Variants in PLEKHH3 observed in about 807,000 individuals in gnomAD.
The protein encoded by PLEKHH3 is pleckstrin homology, MyTH4 and FERM domain containing H3, also known as pleckstrin homology domain-containing family H member 3.
In PLEKHH3, 57 loss-of-function variants were observed where a neutral mutation model predicts 77.8. The observed-to-expected ratio is 0.73, with a 90% CI of 0.59 to 0.91. The LOEUF is 0.91. Among genes scored for constraint, PLEKHH3 ranks in the 40% least tolerant of loss-of-function variants. The probability of loss-of-function intolerance (pLI) is 0.00; values close to 1 mark genes in which losing one functional copy is unlikely to be tolerated. For synonymous variants in PLEKHH3, 467 were observed against 504.8 expected, an observed-to-expected ratio of 0.93 and a Z score of 1.00; for missense variants, 1,082 against 1,091.2, an observed-to-expected ratio of 0.99 and a Z score of 0.12.
In PLEKHH3 at chr17:42,670,988, A is replaced by G; in HGVS notation, c.1421+6T>C. 5.0e-6 allele frequency: 8 copies of G among 1,608,970 alleles called. No individual in the cohort carries two copies. The highest frequency in any genetic ancestry group is 6.8e-6 in the Non-Finnish European group (8 of 1,178,686). On this transcript the variant is annotated splice_donor_region_variant and intron_variant, in intron 9 of 12. Transcript: ENST00000591022. The stretch of plus-strand genomic sequence containing the variant: ...ATAGAGAGCAGGGCTGGGGCTGGAC[A>G]TTTACTTCTCAAACCTGGTGAGCAC...
intron 9 of PLEKHH3, 41 bp from the exon 10 acceptor site, chr17:42,670,746 A>T (rs1183053004): frequency 1.9e-6 from 3 of 1,572,806 alleles, no homozygotes; most frequent in Non-Finnish European, 2.6e-6. Context: ...GAGAAGCCGG[A>T]CCCCTACGGC....
rs548635073 is a variant in PLEKHH3, at chr17:42,672,723, G to A, written c.770-331C>T. 2.6e-5 allele frequency among the ~76,000 whole-genome samples: 4 copies of A among 152,160 alleles called. No homozygotes were observed. In the South Asian group the frequency reaches 6.2e-4, roughly 24 times the overall value. ...ACCACCATAGGTCAGAAAACAGGCT[G>A]GACTAGGAGTCAGAAAACCGGGGTT... On this transcript the variant is annotated intron_variant, in intron 6 of 12. Transcript: ENST00000591022.
At chr17:42,674,496 G>A in intron 1 of PLEKHH3, 87 bp from the exon 2 acceptor site, 1 of 1,160,702 alleles carries the variant, frequency 8.6e-7, no homozygotes, top group Non-Finnish European at 1.1e-6. Flanking sequence ...GGGCTGCTCA[G>A]GGGATTGAGG....
Position 42,670,725 on chromosome 17 carries a change from G to C in PLEKHH3, c.1422-20C>G, listed in dbSNP as rs755272028. On this transcript the variant is annotated intron_variant, in intron 9 of 12. Transcript: ENST00000591022. ...GCCAAGCTGCAGAAGAGGAGCGGAC[G>C]AAGCGCTAGGGAGAAGCCGGACCCC... The C allele has an allele frequency of 1.2e-6, 2 of 1,607,046 alleles. No homozygotes were observed. Among genetic ancestry groups the C allele is most frequent in the South Asian group, 2.2e-5 (2 of 90,852 alleles).
intron 6 of PLEKHH3, among the ~76,000 whole-genome samples, 200 bp downstream of exon 6, chr17:42,672,976 G>A (rs1277503401): frequency 6.6e-6 from 1 of 152,152 alleles, no homozygotes; most frequent in Non-Finnish European, 1.5e-5. Flanking sequence ...TAGAGAAGGT[G>A]GCCAAAGGGG....
intron 7 of PLEKHH3, 58 bp downstream of exon 7, chr17:42,672,028 T>A: frequency 7.2e-7 from 1 of 1,379,916 alleles, no homozygotes; most frequent in Non-Finnish European, 9.6e-7. Flanking sequence ...GACCTTTCAT[T>A]CTCTCCCAGC....
In PLEKHH3 at chr17:42,676,303, C is replaced by G; in HGVS notation, c.162+99G>C. 2 of 1,555,190 alleles carry G rather than the reference C, an allele frequency of 1.3e-6. No homozygotes were observed. The highest frequency in any genetic ancestry group is 1.7e-6 in the Non-Finnish European group (2 of 1,151,424). On this transcript the variant is annotated intron_variant, in intron 1 of 12. Coordinates refer to ENST00000591022, the MANE Select transcript of PLEKHH3 (RefSeq NM_024927.5). The surrounding 1 kb of genome is among the most constrained non-coding windows in gnomAD (Gnocchi z 6.6). ...AAAACTCTCCCTCATCCCTAGTTCG[C>G]CAAGCGCGCAGCGTGTGGCTGGAGG...
rs2052830000 is a variant in PLEKHH3 at position 42,676,458 on chromosome 17, C to T, written c.106G>A (p.Asp36Asn). Residue 36 changes from aspartate (D) to asparagine (N), a missense_variant, in exon 1 of 13, where the codon GAC becomes AAC. Around this residue, in one of 3 missense-constraint regions of PLEKHH3, gnomAD observed 344 missense variants for 320.8 expected, o/e 1.07. Coordinates refer to ENST00000591022, the MANE Select transcript of PLEKHH3 (RefSeq NM_024927.5). This position sits in a 1 kb window ranked among gnomAD's most constrained non-coding sequence, Gnocchi z 6.6. ...DGELSGDGDE[D>N]EDEETFELRT... is the part of the protein sequence containing the mutation. The stretch of plus-strand genomic sequence containing the variant: ...AGCTCAAAGGTTTCCTCGTCCTCGT[C>T]CTCGTCCCCGTCCCCGCTAAGCTCG... 1.9e-6 allele frequency: 3 copies of T among 1,613,194 alleles called. No individual in the cohort carries two copies. The highest frequency in any genetic ancestry group is 2.5e-6 in the Non-Finnish European group (3 of 1,179,904).
At position 42,672,227 on chromosome 17, in the gene PLEKHH3, G is replaced by A; in HGVS notation, c.935C>T (p.Thr312Ile). The change falls in exon 7 of 13, where the codon ACC (threonine) becomes ATC (isoleucine). Residue 312 changes from threonine to isoleucine, a missense_variant. Transcript: ENST00000591022. ...CCCGGGGGGACCTGCAGGGCCCGAG[G>A]TCTGCTTAGCCAGCTGCAGGAAGAG... ...DELFLQLAKQ[T>I]SGPAGPPGLP... 2 of 1,551,172 alleles carry A rather than the reference G, an allele frequency of 1.3e-6. No individual in the cohort carries two copies. Among genetic ancestry groups the A allele is most frequent in the Non-Finnish European group, 1.7e-6 (2 of 1,147,090 alleles).
intron 12 of PLEKHH3, chr17:42,669,053 T>A (rs1241742747): frequency 6.4e-6 from 1 of 156,314 alleles, no homozygotes; most frequent in Non-Finnish European, 1.4e-5. Flanking sequence ...CCTCGTGATC[T>A]GCCCGCCTCG....
chr17:42,673,348 C>G (rs1254561435), intron 5 of PLEKHH3, 51 bp downstream of exon 5: 10 of 1,606,942 alleles, frequency 6.2e-6, no homozygotes, highest in South Asian at 2.2e-5. Flanking sequence ...TTCCTCACAA[C>G]CCCAGAAAGC....
Position 42,669,561 on chromosome 17 carries a change from G to C in PLEKHH3, c.2074C>G (p.Leu692Val). 1.2e-6 allele frequency: 2 copies of C among 1,612,070 alleles called. No individual in the cohort carries two copies. The highest frequency in any genetic ancestry group is 1.7e-6 in the Non-Finnish European group (2 of 1,179,006). ...GGCTCCGTCTCCCCTGGCCGGGAGA[G>C]GGACATGGCCTTGGCTCCCAAGCCC... Reference protein sequence around the residue: ...CLGLGAKAMSLSRPGETEPIH... With the variant: ...CLGLGAKAMSVSRPGETEPIH... The change falls in exon 12 of 13, where the codon CTC becomes GTC. Residue 692 changes from leucine to valine, a missense_variant. Leu to Val is a conservative substitution (Grantham distance 32). Coordinates refer to ENST00000591022, the MANE Select transcript of PLEKHH3 (RefSeq NM_024927.5).
At chr17:42,675,437 A>G (rs528746257) in intron 1 of PLEKHH3, among the ~76,000 whole-genome samples, 3 of 152,218 alleles carry the variant, frequency 2.0e-5, no homozygotes, top group Non-Finnish European at 2.9e-5. Flanking sequence ...TGGGGCTGTC[A>G]GCCACACCAC....
At position 42,670,239 on chromosome 17, in the gene PLEKHH3, C is replaced by A; in HGVS notation, c.1692G>T (p.Pro564=). 6 of 1,223,524 alleles carry A rather than the reference C, an allele frequency of 4.9e-6. No homozygotes were observed. The highest frequency in any genetic ancestry group is 6.1e-6 in the Non-Finnish European group (6 of 983,108). The allele number at this position is 1,223,524 out of a possible 1,614,324, so 75.8% of individuals were successfully genotyped here. Residue 564 remains proline, a synonymous_variant, in exon 11 of 13, where the codon CCG becomes CCT. Transcript: ENST00000591022. ...GGTCTTCGCGCGGCGGGGCCGGGGG[C>A]GGGAGCAGGCGGTCCAGGCGGGGCA... The part of the protein sequence containing the change: ...VPLPRLDRLL[P]PPAPPREDPP...
chr17:42,671,596 G>T lies in PLEKHH3; in HGVS notation c.1077-38C>A. ...GAACCCAGGGATCAATACTCCAAGG[G>T]CTTTCTTCTCCCCCTCCCTCTTGCC... On this transcript the variant is annotated intron_variant, in intron 7 of 12. Transcript: ENST00000591022. This position sits in a 1 kb window ranked among gnomAD's most constrained non-coding sequence, Gnocchi z 4.7. 1 of 1,554,324 alleles carries T rather than the reference G, an allele frequency of 6.4e-7. No individual in the cohort carries two copies. The highest frequency in any genetic ancestry group is 8.7e-7 in the Non-Finnish European group (1 of 1,143,536).
At position 42,669,971 on chromosome 17, in the gene PLEKHH3, C is replaced by T. The variant is rs2052647853; in HGVS notation, c.1960G>A (p.Ala654Thr). 1.2e-6 allele frequency: 2 copies of T among 1,612,542 alleles called. No individual in the cohort carries two copies. Among genetic ancestry groups the T allele is most frequent in the Non-Finnish European group, 1.7e-6 (2 of 1,179,762 alleles). Reference protein sequence around the residue: ...EAMAAYLALAAQCPGFGAARY... With the variant: ...EAMAAYLALATQCPGFGAARY... Reference sequence around the variant, plus strand: ...GCAGCGCCGAACCCCGGACACTGCGCCGCCAGGGCCAGGTAGGCGGCCATG... The same window carrying T: ...GCAGCGCCGAACCCCGGACACTGCGTCGCCAGGGCCAGGTAGGCGGCCATG... Residue 654 changes from alanine (A) to threonine (T), a missense_variant, in exon 11 of 13, where the codon GCG becomes ACG. Physicochemically the swap from Ala to Thr is moderately conservative, Grantham distance 58. Coordinates refer to ENST00000591022, the MANE Select transcript of PLEKHH3 (RefSeq NM_024927.5).
intron 1 of PLEKHH3, among the ~76,000 whole-genome samples, chr17:42,675,687 A>C (rs539292871): frequency 2.0e-5 from 3 of 152,222 alleles, no homozygotes; most frequent in Admixed American, 6.5e-5. Context: ...GCCAGTGTGC[A>C]GGAGGGATGG....
chr17:42,673,800 C>A lies in PLEKHH3; in HGVS notation c.333G>T (p.Ala111=), dbSNP rs771667332. The change falls in exon 4 of 13, where the codon GCG becomes GCT. Residue 111 remains alanine, a synonymous_variant. Transcript: ENST00000591022. ...WLYREPRGGG[A]RPWLPPRRAW... ...CTCGGCGCGGGGGCAGCCAGGGCCGCGCCCCTCCTCCGCGGGGCTCCCGGT... is the reference window on the plus strand; with the variant it reads ...CTCGGCGCGGGGGCAGCCAGGGCCGAGCCCCTCCTCCGCGGGGCTCCCGGT... The A allele has an allele frequency of 6.3e-7, 1 of 1,588,888 alleles. No individual in the cohort carries two copies. The highest frequency in any genetic ancestry group is 1.1e-5 in the South Asian group (1 of 89,960).
At chr17:42,670,427 C>A (rs755845065) in intron 10 of PLEKHH3, 51 bp from the exon 11 acceptor site, 1 of 1,461,534 alleles carries the variant, frequency 6.8e-7, no homozygotes, top group Non-Finnish European at 9.0e-7. Flanking sequence ...GGAACCGTCG[C>A]GAAAACGCCT....
Sources: gnomAD v4.1 joint callset for allele counts (sites outside exome capture counted in the v4.1 genomes callset) on GRCh38, gnomAD v4.1.1 for gene constraint, gnomAD v4.1.1 regional missense constraint, Gnocchi (gnomAD v3.1) non-coding constraint, MANE v1.5 for transcripts, NCBI Gene and HGNC (gene_info 2026-07-23, HGNC 2026-07-21) for gene names.